The following SOX6 variants were observed in gnomAD, a reference collection of about 807,000 sequenced individuals.
The protein encoded by SOX6 is SRY-box transcription factor 6.
SOX6 carries 11 observed loss-of-function variants against 97.8 expected under a neutral mutation model. The observed-to-expected ratio is 0.11, with a 90% CI of 0.07 to 0.19. SOX6 has a LOEUF of 0.19. Among genes scored for constraint, SOX6 ranks in the 10% least tolerant of loss-of-function variants. SOX6 has a pLI of 1.00. For missense variants in SOX6, 810 were observed against 1,039.5 expected (o/e 0.78, Z 3.04); for synonymous variants, 360 against 371.4 (o/e 0.97, Z 0.35).
chr11:16,685,766 G>C (rs550521906), intron 3 of SOX6, among the ~76,000 whole-genome samples: 2 of 152,254 alleles, frequency 1.3e-5, no homozygotes, highest in Non-Finnish European at 2.9e-5. Context: ...CCCCAGTAGG[G>C]ACTCTGTGTT....
At chr11:16,317,951 C>A in intron 3 of SOX6, 1 of 451,296 alleles carries the variant, frequency 2.2e-6, no homozygotes, top group Non-Finnish European at 4.5e-6. Flanking sequence ...TCAAAGAAGT[C>A]ACTCATATAC....
At chr11:16,498,933 T>G (rs976556741) in intron 4 of SOX6, among the ~76,000 whole-genome samples, 1 of 152,100 alleles carries the variant, frequency 6.6e-6, no homozygotes, top group African/African-American at 2.4e-5. Context: ...ATCCAGGAAT[T>G]GAACTCAGCT....
At chr11:16,022,304 G>A (rs1855083002) in intron 12 of SOX6, among the ~76,000 whole-genome samples, 1 of 142,302 alleles carries the variant, frequency 7.0e-6, no homozygotes, top group South Asian at 2.2e-4. Flanking sequence ...AAGATGCTTT[G>A]TTTTTCCTTC....
intron 3 of SOX6, among the ~76,000 whole-genome samples, chr11:16,631,812 GGTTA>G (rs1174114805): frequency 6.6e-6 from 1 of 151,642 alleles, no homozygotes; most frequent in African/African-American, 2.4e-5. Context: ...TGTCTAACTG[GGTTA>G]GTTACAAAGA....
chr11:16,242,006 T>TA (rs1266265280), intron 3 of SOX6, among the ~76,000 whole-genome samples: 3 of 151,988 alleles, frequency 2.0e-5, no homozygotes, highest in Non-Finnish European at 4.4e-5. Flanking sequence ...AGTTGCAACT[T>TA]AAAAAAATCT....
chr11:16,128,591 C>G (rs186793165), intron 6 of SOX6, among the ~76,000 whole-genome samples: 80 of 152,226 alleles, frequency 5.3e-4, no homozygotes, highest in Middle Eastern at 6.8e-3. Flanking sequence ...ATCAGATTTT[C>G]AGGGACAGAA....
intron 6 of SOX6, among the ~76,000 whole-genome samples, chr11:16,161,207 G>T (rs1039591195): frequency 2.6e-5 from 4 of 151,982 alleles, no homozygotes; most frequent in African/African-American, 9.7e-5. Flanking sequence ...GTTCTTATGA[G>T]CCAGTGTGAG....
At chr11:16,286,922 AT>A (rs1172891748) in intron 3 of SOX6, among the ~76,000 whole-genome samples, 1 of 152,062 alleles carries the variant, frequency 6.6e-6, no homozygotes, top group Non-Finnish European at 1.5e-5. Context: ...ATAAGGGCTC[AT>A]CATACTATTT....
intron 4 of SOX6, among the ~76,000 whole-genome samples, chr11:16,488,686 G>A (rs1437032478): frequency 6.6e-6 from 1 of 152,094 alleles, no homozygotes; most frequent in East Asian, 1.9e-4. Flanking sequence ...CACACTACAG[G>A]TTAGTCCTTC....
upstream of SOX6, among the ~76,000 whole-genome samples, chr11:16,359,427 T>G (rs1238717462): frequency 7.2e-5 from 11 of 152,038 alleles, no homozygotes; most frequent in Non-Finnish European, 1.5e-5. Context: ...AGGAAATCAT[T>G]GGATTAACAT....
intron 4 of SOX6, among the ~76,000 whole-genome samples, chr11:16,530,835 G>C (rs764677559): frequency 3.3e-5 from 5 of 151,626 alleles, no homozygotes; most frequent in African/African-American, 1.2e-4. Context: ...TCACAACACG[G>C]ATAGCCTGAC....
chr11:16,447,491 G>A (rs527828691), intron 1 of SOX6, among the ~76,000 whole-genome samples: 9 of 149,132 alleles, frequency 6.0e-5, no homozygotes, highest in South Asian at 2.1e-4. Context: ...CTCTCTCTCT[G>A]TTGTATTCAC....
chr11:16,656,645 A>G (rs1564861124), intron 3 of SOX6, among the ~76,000 whole-genome samples: 1 of 152,232 alleles, frequency 6.6e-6, no homozygotes, highest in Non-Finnish European at 1.5e-5. Context: ...GAGTCTAAAT[A>G]AAATTTTACT....
intron 3 of SOX6, among the ~76,000 whole-genome samples, chr11:16,249,843 T>C (rs1898502): frequency 0.78 from 118,304 of 152,114 alleles, 46,159 homozygotes; most frequent in Non-Finnish European, 0.8. Context: ...GTTGATCAAG[T>C]GTTCTCATTG....
At chr11:16,031,691 T>C (rs897282657) in intron 12 of SOX6, among the ~76,000 whole-genome samples, 6 of 151,366 alleles carry the variant, frequency 4.0e-5, no homozygotes, top group African/African-American at 9.7e-5. Flanking sequence ...GGCTGTAAGA[T>C]TGCAGTGAGA....
intron 2 of SOX6, among the ~76,000 whole-genome samples, chr11:16,319,271 A>G (rs889593296): frequency 5.3e-5 from 8 of 152,196 alleles, no homozygotes; most frequent in African/African-American, 1.9e-4. Context: ...CTAGCTACAC[A>G]GCTGTCCAAA....
intron 13 of SOX6, among the ~76,000 whole-genome samples, chr11:16,009,436 T>A (rs1284468436): frequency 1.3e-5 from 2 of 152,004 alleles, no homozygotes; most frequent in African/African-American, 4.8e-5. Context: ...CTTAAGCAAA[T>A]ATCTGAAGGG....
intron 2 of SOX6, among the ~76,000 whole-genome samples, chr11:16,322,936 A>T (rs1363349660): frequency 2.0e-5 from 3 of 152,210 alleles, no homozygotes; most frequent in African/African-American, 7.2e-5. Flanking sequence ...TTTCTTTTGA[A>T]AACAACCACT....
At chr11:16,149,065 C>T (rs1043583866) in intron 6 of SOX6, among the ~76,000 whole-genome samples, 1 of 152,144 alleles carries the variant, frequency 6.6e-6, no homozygotes, top group African/African-American at 2.4e-5. Context: ...AAAAATGCCC[C>T]TTCTCAAAGT....
Sources: allele counts gnomAD v4.1 joint callset (sites outside exome capture counted in the v4.1 genomes callset), GRCh38; gene constraint gnomAD v4.1.1; transcripts MANE v1.5; gene names NCBI Gene and HGNC (gene_info 2026-07-23, HGNC 2026-07-21).